DNAH6: variants seen among roughly 807,000 people sequenced by gnomAD.
The protein encoded by DNAH6 is dynein axonemal heavy chain 6, also known as axonemal beta dynein heavy chain 6.
In DNAH6, 340 loss-of-function variants were observed where a neutral mutation model predicts 491.4. The observed-to-expected ratio is 0.69, with a 90% CI of 0.63 to 0.76. The LOEUF (loss-of-function observed/expected upper bound fraction) is 0.76. DNAH6 is among the 30% of genes least tolerant of loss of function. The pLI, the probability that DNAH6 is intolerant of heterozygous loss-of-function variation, is 0.00. For synonymous variants in DNAH6, 1,603 were observed against 1,686.1 expected (o/e 0.95, Z 1.21); for missense variants, 4,443 against 4,972.2 (o/e 0.89, Z 3.20).
intron 64 of DNAH6, among the ~76,000 whole-genome samples, chr2:84,770,863 G>A (rs139654028): frequency 2.4e-4 from 37 of 152,054 alleles, no homozygotes; most frequent in Admixed American, 2.1e-3. Context: ...GGTGGCATGC[G>A]CCTGTAGTCC....
At position 84,642,017 on chromosome 2, in the gene DNAH6, T is replaced by C; in HGVS notation, c.5041T>C (p.Leu1681=). The C allele has an allele frequency of 6.4e-7, 1 of 1,551,022 alleles. No homozygotes were observed. Among genetic ancestry groups the C allele is most frequent in the Non-Finnish European group, 8.7e-7 (1 of 1,146,586 alleles). ...VLIRALQDSN[L]PKFLTDDALL... ...GATAAGAGCTTTACAAGACTCCAAT[T>C]TGCCAAAATTTCTAACAGATGATGC... is the stretch of plus-strand genomic sequence containing the variant. The change falls in exon 33 of 77, where the codon TTG becomes CTG. Residue 1681 remains leucine, a synonymous_variant. Transcript: ENST00000389394.
At position 84,670,323 on chromosome 2, in the gene DNAH6, T is replaced by C; in HGVS notation, c.6307-5T>C. On this transcript the variant is annotated splice_region_variant and splice_polypyrimidine_tract_variant and intron_variant, in intron 38 of 76. Coordinates refer to ENST00000389394, the MANE Select transcript of DNAH6 (RefSeq NM_001370.2). ...GTGACATTAATTAACTTATTTTAAT[T>C]TAAGTCTGTGATTGCAAAAGGATTG... The C allele has an allele frequency of 6.6e-7, 1 of 1,509,834 alleles. No individual in the cohort carries two copies. Among genetic ancestry groups the C allele is most frequent in the Non-Finnish European group, 8.9e-7 (1 of 1,119,192 alleles). The allele number at this position is 1,509,834 out of a possible 1,614,324, so 93.5% of individuals were successfully genotyped here.
intron 22 of DNAH6, among the ~76,000 whole-genome samples, chr2:84,615,714 C>T (rs1283045259): frequency 6.6e-6 from 1 of 151,930 alleles, no homozygotes; most frequent in Non-Finnish European, 1.5e-5. Flanking sequence ...TTTCTTTCAG[C>T]AGTGTTTTGT....
In DNAH6 at chr2:84,745,121, T is replaced by A; in HGVS notation, c.10384T>A (p.Tyr3462Asn). The change falls in exon 63 of 77, where the codon TAT (tyrosine) becomes AAT (asparagine). Residue 3462 changes from tyrosine to asparagine, a missense_variant. Tyr to Asn is a moderately radical substitution (Grantham distance 143). Coordinates refer to ENST00000389394, the MANE Select transcript of DNAH6 (RefSeq NM_001370.2). ...TATTAACCCACAGAAATGGGAAGGC[T>A]ATTCTAAAATGAAACACGAAGATAA... is the stretch of plus-strand genomic sequence containing the variant. ...TYINPQKWEG[Y>N]SKMKHEDKHM... The A allele has an allele frequency of 6.5e-7, 1 of 1,543,190 alleles. No homozygotes were observed. Among genetic ancestry groups the A allele is most frequent in the Non-Finnish European group, 8.7e-7 (1 of 1,142,902 alleles).
chr2:84,731,147 C>T (rs949327655), intron 61 of DNAH6, among the ~76,000 whole-genome samples: 3 of 152,166 alleles, frequency 2.0e-5, no homozygotes, highest in African/African-American at 2.4e-5. Flanking sequence ...AACCTAGACC[C>T]ACTCCCTCCC....
At chr2:84,493,840 C>A in the DNAH6 span, among the ~76,000 whole-genome samples, 1 of 152,172 alleles carries the variant, frequency 6.6e-6, no homozygotes, top group Non-Finnish European at 1.5e-5. Flanking sequence ...ATCAAATATT[C>A]TAACAAGGAT....
intron 64 of DNAH6, among the ~76,000 whole-genome samples, chr2:84,775,462 T>C (rs537834658): frequency 1.3e-5 from 2 of 152,300 alleles, no homozygotes; most frequent in East Asian, 3.9e-4. Flanking sequence ...GATATTGGCC[T>C]GACGTTTTCA....
In DNAH6 at chr2:84,631,011, A is replaced by G. The variant is rs151145229; in HGVS notation, c.4516-3493A>G. Among the ~76,000 whole-genome samples the G allele has an allele frequency of 2.0e-4, 30 of 152,338 alleles. No individual in the cohort carries two copies. In the East Asian group the frequency reaches 5.4e-3, roughly 27 times the overall value. ...AAATAAAATGATAGAAATAACACCA[A>G]AACTTATTTCTAATGGTCAATTAAT... is the stretch of plus-strand genomic sequence containing the variant. On this transcript the variant is annotated intron_variant, in intron 29 of 76. Transcript: ENST00000389394.
intron 33 of DNAH6, among the ~76,000 whole-genome samples, chr2:84,650,737 A>G (rs1449120634): frequency 6.6e-6 from 1 of 152,162 alleles, no homozygotes; most frequent in African/African-American, 2.4e-5. Context: ...AATAAAATAA[A>G]TTTGTCAGAC....
chr2:84,694,801 C>A (rs1012096342), intron 46 of DNAH6, among the ~76,000 whole-genome samples: 4 of 151,958 alleles, frequency 2.6e-5, no homozygotes, highest in Non-Finnish European at 4.4e-5. Flanking sequence ...ACCAAAAATT[C>A]AATTAGGGAA....
At chr2:84,463,494 C>T in the DNAH6 span, among the ~76,000 whole-genome samples, 10 of 152,338 alleles carry the variant, frequency 6.6e-5, no homozygotes, top group South Asian at 2.1e-3. Flanking sequence ...AGTCTCCCCA[C>T]CACCTGGTTC....
intron 33 of DNAH6, among the ~76,000 whole-genome samples, chr2:84,643,719 T>C (rs1302557259): frequency 6.6e-6 from 1 of 152,192 alleles, no homozygotes; most frequent in Non-Finnish European, 1.5e-5. Flanking sequence ...CATTTCTTTC[T>C]GCTTCTTTCT....
chr2:84,809,384 C>A (rs577474243), intron 72 of DNAH6, among the ~76,000 whole-genome samples: 1 of 152,064 alleles, frequency 6.6e-6, no homozygotes, highest in Admixed American at 6.6e-5. Flanking sequence ...GCAAAGTCTC[C>A]GGAAGTTGCT....
At chr2:84,622,919 T>C (rs1324735105) in intron 26 of DNAH6, among the ~76,000 whole-genome samples, 2 of 152,162 alleles carry the variant, frequency 1.3e-5, no homozygotes, top group Non-Finnish European at 2.9e-5. Flanking sequence ...TGCATTTCCC[T>C]TATGATTAGT....
At chr2:84,752,953 ATG>A (rs1288229661) in intron 63 of DNAH6, among the ~76,000 whole-genome samples, 3 of 152,174 alleles carry the variant, frequency 2.0e-5, no homozygotes, top group Non-Finnish European at 4.4e-5. Context: ...ATTATATGGT[ATG>A]TTTAACTTTT....
At chr2:84,598,254 C>G (rs1684876301) in intron 18 of DNAH6, among the ~76,000 whole-genome samples, 1 of 149,604 alleles carries the variant, frequency 6.7e-6, no homozygotes. Flanking sequence ...TCTTGAATTC[C>G]TGGGCTCAAG....
intron 35 of DNAH6, among the ~76,000 whole-genome samples, chr2:84,655,046 T>A (rs1025472396): frequency 6.6e-6 from 1 of 152,014 alleles, no homozygotes; most frequent in Admixed American, 6.6e-5. Context: ...CTCCCCAGAC[T>A]AGAAACACAA....
At chr2:84,772,985 CAG>C (rs1468730539) in intron 64 of DNAH6, among the ~76,000 whole-genome samples, 1 of 151,942 alleles carries the variant, frequency 6.6e-6, no homozygotes, top group Non-Finnish European at 1.5e-5. Context: ...AAATAAATAA[CAG>C]AAGGAAATAT....
the DNAH6 span, among the ~76,000 whole-genome samples, chr2:84,505,332 A>C: frequency 6.6e-6 from 1 of 152,144 alleles, no homozygotes; most frequent in Non-Finnish European, 1.5e-5. Context: ...ACCTGGATAC[A>C]TTTTATCTCC....
Sources: allele counts gnomAD v4.1 joint callset (sites outside exome capture counted in the v4.1 genomes callset), GRCh38; gene constraint gnomAD v4.1.1; transcripts MANE v1.5; gene names NCBI Gene and HGNC (gene_info 2026-07-23, HGNC 2026-07-21).